SMAP1: variants seen among roughly 807,000 people sequenced by gnomAD.
SMAP1 encodes the protein stromal membrane-associated protein 1.
In SMAP1, 24 loss-of-function variants were observed where a neutral mutation model predicts 58.5. The observed-to-expected ratio is 0.41, with a 90% CI of 0.30 to 0.58. The LOEUF is 0.58. SMAP1 is among the 20% of genes least tolerant of loss of function. SMAP1 has a pLI of 0.29. For missense variants in SMAP1, 563 were observed against 566.3 expected (o/e 0.99, Z 0.06); for synonymous variants, 216 against 196.6 (o/e 1.10, Z -0.82).
chr6:70,729,808 C>T (rs7754217), intron 1 of SMAP1, among the ~76,000 whole-genome samples: 25,955 of 152,072 alleles, frequency 0.17, 3,544 homozygotes, highest in East Asian at 0.61. Flanking sequence ...GAAAGCAAAT[C>T]AGGAAGTGTG....
intron 1 of SMAP1, among the ~76,000 whole-genome samples, chr6:70,707,675 A>G (rs915670046): frequency 6.6e-6 from 1 of 152,036 alleles, no homozygotes; most frequent in Non-Finnish European, 1.5e-5. Flanking sequence ...GTGGGATCTT[A>G]GCTCACTGCA....
intron 2 of SMAP1, among the ~76,000 whole-genome samples, chr6:70,744,546 C>A (rs948235474): frequency 1.3e-5 from 2 of 152,156 alleles, no homozygotes; most frequent in Non-Finnish European, 2.9e-5. Flanking sequence ...TGTACATATG[C>A]CATGTTTTCT....
intron 1 of SMAP1, among the ~76,000 whole-genome samples, chr6:70,687,663 G>A (rs1441031035): frequency 6.6e-6 from 1 of 151,970 alleles, no homozygotes; most frequent in Admixed American, 6.6e-5. Context: ...ATATATGTTG[G>A]ATGATTAAAA....
At chr6:70,671,979 T>G (rs546306585) in intron 1 of SMAP1, among the ~76,000 whole-genome samples, 1 of 152,242 alleles carries the variant, frequency 6.6e-6, no homozygotes, top group African/African-American at 2.4e-5. Context: ...AAACATAAGG[T>G]TTTTTAACTC....
At chr6:70,803,321 T>C (rs1768951277) in intron 6 of SMAP1, among the ~76,000 whole-genome samples, 1 of 152,240 alleles carries the variant, frequency 6.6e-6, no homozygotes, top group African/African-American at 2.4e-5. Context: ...TGGTAGTTTG[T>C]ATTTCTGTGG....
chr6:70,843,090 C>T (rs899095354), intron 7 of SMAP1, among the ~76,000 whole-genome samples: 1 of 151,970 alleles, frequency 6.6e-6, no homozygotes, highest in Non-Finnish European at 1.5e-5. Context: ...GTATCTGGCA[C>T]AGTTGCATTT....
chr6:70,716,811 T>A (rs1176940721), intron 1 of SMAP1, among the ~76,000 whole-genome samples: 1 of 152,200 alleles, frequency 6.6e-6, no homozygotes, highest in African/African-American at 2.4e-5. Flanking sequence ...GACCATTTTT[T>A]AAAATTCCTT....
chr6:70,832,095 A>G (rs1047743297), intron 6 of SMAP1, among the ~76,000 whole-genome samples: 2 of 151,976 alleles, frequency 1.3e-5, no homozygotes, highest in Admixed American at 6.6e-5. Flanking sequence ...GTCCTTGCCC[A>G]TTTTTTAACG....
rs1765468087 is a variant in SMAP1 at position 70,732,463 on chromosome 6, C to G, written c.204C>G (p.Ser68=). ...GIHRNLGVHI[S]RVKSVNLDQW... The stretch of plus-strand genomic sequence containing the variant: ...ATAGAAATCTTGGGGTTCATATATC[C>G]AGGGTCAAATCAGTCAACCTAGACC... The change falls in exon 2 of 11, where the codon TCC becomes TCG. Residue 68 remains serine (S), a synonymous_variant. Coordinates refer to ENST00000370455, the MANE Select transcript of SMAP1 (RefSeq NM_001044305.3). 6.2e-7 allele frequency: 1 copy of G among 1,612,376 alleles called. No homozygotes were observed. Among genetic ancestry groups the G allele is most frequent in the East Asian group, 2.2e-5 (1 of 44,798 alleles).
intron 1 of SMAP1, among the ~76,000 whole-genome samples, chr6:70,724,402 G>T (rs1490304967): frequency 6.6e-6 from 1 of 152,084 alleles, no homozygotes; most frequent in South Asian, 2.1e-4. Context: ...CATCATGTTG[G>T]CCAGGCTGGT....
chr6:70,755,459 A>G (rs1766448512), intron 3 of SMAP1, among the ~76,000 whole-genome samples: 1 of 152,062 alleles, frequency 6.6e-6, no homozygotes, highest in Non-Finnish European at 1.5e-5. Flanking sequence ...TACATGAGAT[A>G]TTCAATACTT....
chr6:70,859,365 A>C, intron 10 of SMAP1: 3 of 1,549,580 alleles, frequency 1.9e-6, no homozygotes, highest in African/African-American at 2.7e-5. Context: ...CCAGCACTCC[A>C]TCAGTGCAAT....
chr6:70,682,171 T>A (rs1053538351), intron 1 of SMAP1, among the ~76,000 whole-genome samples: 2 of 5,914 alleles, frequency 3.4e-4, no homozygotes, highest in African/African-American at 2.5e-3. Context: ...TCTGCACAGA[T>A]TTTTTTTTTT....
chr6:70,784,184 T>C (rs1302753685), intron 4 of SMAP1, among the ~76,000 whole-genome samples: 1 of 152,132 alleles, frequency 6.6e-6, no homozygotes, highest in African/African-American at 2.4e-5. Flanking sequence ...AAGCCAGAAT[T>C]TCATATCCAG....
chr6:70,756,208 G>A (rs140188969), intron 3 of SMAP1, among the ~76,000 whole-genome samples: 2 of 152,078 alleles, frequency 1.3e-5, no homozygotes, highest in African/African-American at 4.8e-5. Context: ...TAACATTTGT[G>A]ACTTTGACAA....
chr6:70,693,746 A>G, intron 1 of SMAP1: 1 of 152,568 alleles, frequency 6.6e-6, no homozygotes, highest in South Asian at 2.1e-4. Context: ...CATTGGGGGA[A>G]GGATGGAGGG....
intron 1 of SMAP1, among the ~76,000 whole-genome samples, chr6:70,686,668 A>G (rs929874496): frequency 3.3e-5 from 5 of 152,182 alleles, no homozygotes; most frequent in African/African-American, 7.2e-5. Context: ...TTTCAGTACA[A>G]TTGGGCTTCT....
chr6:70,697,959 A>G (rs965005647), intron 1 of SMAP1, among the ~76,000 whole-genome samples: 1 of 152,174 alleles, frequency 6.6e-6, no homozygotes, highest in Admixed American at 6.5e-5. Flanking sequence ...ACAATGCTAC[A>G]ATATTCTGCG....
At chr6:70,772,683 A>C (rs1425621970) in intron 3 of SMAP1, among the ~76,000 whole-genome samples, 5 of 152,234 alleles carry the variant, frequency 3.3e-5, no homozygotes, top group African/African-American at 1.2e-4. Flanking sequence ...GACAACTTCA[A>C]GAATTTAAAG....
Sources: gnomAD v4.1 joint callset for allele counts (sites outside exome capture counted in the v4.1 genomes callset) on GRCh38, gnomAD v4.1.1 for gene constraint, MANE v1.5 for transcripts, NCBI Gene and HGNC (gene_info 2026-07-23, HGNC 2026-07-21) for gene names.